Variants in CSAD observed in about 807,000 individuals in gnomAD.
The protein encoded by CSAD is P-selectin cytoplasmic tail-associated protein.
In CSAD, 47 loss-of-function variants were observed where a neutral mutation model predicts 61.5. That is an observed-to-expected ratio of 0.76 (90% confidence interval 0.60 to 0.97). The LOEUF (loss-of-function observed/expected upper bound fraction) is 0.97, where lower values mean the gene tolerates loss of function less well. CSAD is among the 50% of genes least tolerant of loss of function. The pLI is 0.00. For synonymous variants in CSAD, 245 were observed against 252.7 expected (o/e 0.97, Z 0.29); for missense variants, 611 against 643.6 (o/e 0.95, Z 0.55).
At chr12:53,172,719 G>C (rs1043668281) in intron 4 of CSAD, 71 bp from the exon 5 acceptor site, 30 of 1,489,426 alleles carry the variant, frequency 2.0e-5, no homozygotes, top group Non-Finnish European at 2.7e-6. Context: ...CACCTCCACA[G>C]ACACGAGACA....
intron 14 of CSAD, 67 bp from the exon 15 acceptor site, chr12:53,160,005 C>T (rs1939076021): frequency 5.0e-6 from 8 of 1,595,646 alleles, no homozygotes; most frequent in African/African-American, 4.0e-5. Flanking sequence ...AAGAGGCCCA[C>T]GTAGAATGAG....
intron 10 of CSAD, among the ~76,000 whole-genome samples, chr12:53,169,141 T>A (rs1037824369): frequency 6.6e-6 from 1 of 151,816 alleles, no homozygotes; most frequent in Non-Finnish European, 1.5e-5. Context: ...GATCGTGCCA[T>A]TGCACTCCGG....
chr12:53,172,565 G>A lies in CSAD; in HGVS notation c.210C>T (p.Ile70=). ...LRSQGESQKQ[I]LERCRAVIRY... ...GAATCACAGCCCGACACCGCTCCAGGATCTGCTTCTGTGACTCGCCCTGGC... is the reference window on the plus strand; with the variant it reads ...GAATCACAGCCCGACACCGCTCCAGAATCTGCTTCTGTGACTCGCCCTGGC... Residue 70 remains isoleucine, a synonymous_variant, in exon 5 of 17, where the codon ATC becomes ATT. Coordinates refer to ENST00000444623, the MANE Select transcript of CSAD (RefSeq NM_001244705.2). The A allele has an allele frequency of 6.2e-7, 1 of 1,613,590 alleles. No individual in the cohort carries two copies. Among genetic ancestry groups the A allele is most frequent in the Non-Finnish European group, 8.5e-7 (1 of 1,179,858 alleles).
chr12:53,159,971 G>A (rs1187916240), intron 14 of CSAD, 33 bp from the exon 15 acceptor site: 5 of 1,603,044 alleles, frequency 3.1e-6, no homozygotes, highest in Non-Finnish European at 4.3e-6. Flanking sequence ...CATAGGCGGG[G>A]AGGAAAAGCA....
intron 10 of CSAD, among the ~76,000 whole-genome samples, chr12:53,166,719 C>G (rs1453421497): frequency 6.6e-6 from 1 of 152,074 alleles, no homozygotes; most frequent in African/African-American, 2.4e-5. Flanking sequence ...TCGCTTGAAC[C>G]CAGGAGGCAG....
rs545626068 is a variant in CSAD at position 53,165,714 on chromosome 12, A to T, written c.703-4325T>A. ...AAGAAAATAACAAGCGTTGACAAGGATGTGAATAAATTAGAACCCTTGTGC... is the reference window on the plus strand; with the variant it reads ...AAGAAAATAACAAGCGTTGACAAGGTTGTGAATAAATTAGAACCCTTGTGC... On this transcript the variant is annotated intron_variant, in intron 10 of 16. Transcript: ENST00000444623. Among the ~76,000 whole-genome samples the T allele has an allele frequency of 2.6e-5, 4 of 152,000 alleles. No individual in the cohort carries two copies. In the South Asian group the frequency reaches 8.3e-4, roughly 32 times the overall value.
In CSAD at chr12:53,160,341, G is replaced by A. The variant is rs900074253; in HGVS notation, c.967-22C>T. On this transcript the variant is annotated intron_variant, in intron 13 of 16. Transcript: ENST00000444623. Reference sequence around the variant, plus strand: ...GGTTCTGTGTGGGGGTGAGGAGATTGTCAGACCCTACCCTCTCCACCGAGG... The same window carrying A: ...GGTTCTGTGTGGGGGTGAGGAGATTATCAGACCCTACCCTCTCCACCGAGG... The A allele has an allele frequency of 1.9e-6, 3 of 1,610,226 alleles. No individual in the cohort carries two copies. In the South Asian group the frequency reaches 3.3e-5, roughly 18 times the overall value.
At chr12:53,175,488 A>AT (rs2121517841) in intron 2 of CSAD, among the ~76,000 whole-genome samples, 1 of 152,326 alleles carries the variant, frequency 6.6e-6, no homozygotes, top group East Asian at 1.9e-4. Flanking sequence ...CCACACCCAC[A>AT]TTAATAAAGG....
chr12:53,178,511 G>A, intron 2 of CSAD: 1 of 325,168 alleles, frequency 3.1e-6, no homozygotes. Flanking sequence ...TGAAAATAGG[G>A]CCGGGTGTGG....
In CSAD at chr12:53,173,408, G is replaced by C; in HGVS notation, c.63C>G (p.Leu21=). ...AGDPVAVEAL[L]RAVFGVVVDE... is the part of the protein sequence containing the mutation. Reference sequence around the variant, plus strand: ...CCACAACAACCCCAAACACGGCCCGGAGCAAGGCTTCCACAGCCACTGGGT... The same window carrying C: ...CCACAACAACCCCAAACACGGCCCGCAGCAAGGCTTCCACAGCCACTGGGT... The change falls in exon 4 of 17, where the codon CTC becomes CTG. Residue 21 remains leucine (L), a synonymous_variant. Transcript: ENST00000444623. The C allele has an allele frequency of 6.2e-7, 1 of 1,614,192 alleles. No homozygotes were observed. Among genetic ancestry groups the C allele is most frequent in the Non-Finnish European group, 8.5e-7 (1 of 1,180,030 alleles).
intron 16 of CSAD, 30 bp from the exon 17 acceptor site, chr12:53,158,714 G>A: frequency 6.2e-7 from 1 of 1,605,614 alleles, no homozygotes; most frequent in South Asian, 1.1e-5. Flanking sequence ...GATTCCAGCT[G>A]CAGCCTGGGT....
At chr12:53,171,740 G>A (rs574144245) in intron 7 of CSAD, 142 bp downstream of exon 7, 14 of 648,138 alleles carry the variant, frequency 2.2e-5, no homozygotes, top group Admixed American at 1.4e-4. Flanking sequence ...CCAGGCAGCC[G>A]CCTCCCTGGC....
Position 53,160,857 on chromosome 12 carries a change from G to A in CSAD, c.885-13C>T, listed in dbSNP as rs1939198960. ...CACAGAGTCAGCCCTGGATGGGGTG[G>A]AGCAAAGGCAGGTCAGTGGCTCCTC... is the stretch of plus-strand genomic sequence containing the variant. On this transcript the variant is annotated splice_polypyrimidine_tract_variant and intron_variant, in intron 12 of 16. Coordinates refer to ENST00000444623, the MANE Select transcript of CSAD (RefSeq NM_001244705.2). 1 of 1,551,200 alleles carries A rather than the reference G, an allele frequency of 6.4e-7. No individual in the cohort carries two copies. Among genetic ancestry groups the A allele is most frequent in the African/African-American group, 1.4e-5 (1 of 73,026 alleles).
intron 6 of CSAD, 30 bp downstream of exon 6, chr12:53,172,316 G>C (rs1940681471): frequency 6.3e-7 from 1 of 1,591,828 alleles, no homozygotes; most frequent in Non-Finnish European, 8.6e-7. Context: ...AATCCTTTGT[G>C]GGATGGTAGA....
chr12:53,164,413 G>A (rs1200689888), intron 10 of CSAD: 1 of 227,414 alleles, frequency 4.4e-6, no homozygotes, highest in Non-Finnish European at 9.8e-6. Flanking sequence ...AAAAAAGAAT[G>A]AAATCATGTC....
At chr12:53,171,132 C>T in intron 8 of CSAD, 194 bp downstream of exon 8, 1 of 798,982 alleles carries the variant, frequency 1.3e-6, no homozygotes, top group Non-Finnish European at 2.1e-6. Flanking sequence ...GGCCCCTCCT[C>T]TGCCCCCAAA....
At chr12:53,178,324 C>A (rs772839623) in intron 2 of CSAD, 121 of 390,902 alleles carry the variant, frequency 3.1e-4, no homozygotes, top group South Asian at 2.0e-3. Context: ...AACAAAAAAA[C>A]AAAAAAAAAA....
Position 53,160,209 on chromosome 12 carries a change from A to G in CSAD, c.1077T>C (p.Arg359=). 1 of 1,614,160 alleles carries G rather than the reference A, an allele frequency of 6.2e-7. No homozygotes were observed. The highest frequency in any genetic ancestry group is 8.5e-7 in the Non-Finnish European group (1 of 1,180,032). The change falls in exon 14 of 17, where the codon CGT becomes CGC. Residue 359 remains arginine (R), a synonymous_variant. Coordinates refer to ENST00000444623, the MANE Select transcript of CSAD (RefSeq NM_001244705.2). ...TGAGCCACAGCTTCAGACAGTCCAC[A>G]CGGCGGCCACACTGCACCACCTTGT... ...TGDKVVQCGR[R]VDCLKLWLMW... is the part of the protein sequence containing the mutation.
chr12:53,170,069 C>T lies in CSAD; in HGVS notation c.702+3G>A. The T allele has an allele frequency of 4.3e-6, 7 of 1,613,912 alleles. No individual in the cohort carries two copies. Among genetic ancestry groups the T allele is most frequent in the South Asian group, 1.1e-5 (1 of 91,080 alleles). On this transcript the variant is annotated splice_donor_region_variant and intron_variant, in intron 10 of 16. Transcript: ENST00000444623. ...ATCACCCCAGCGAGCCTCACTGACT[C>T]ACCTCAGCCTCGGCCATACCAATCT...
Sources: gnomAD v4.1 joint callset for allele counts (sites outside exome capture counted in the v4.1 genomes callset) on GRCh38, gnomAD v4.1.1 for gene constraint, MANE v1.5 for transcripts, NCBI Gene and HGNC (gene_info 2026-07-23, HGNC 2026-07-21) for gene names.